Variants in LGR4 observed in about 807,000 individuals in gnomAD.
LGR4 encodes the protein leucine-rich repeat-containing G protein-coupled receptor 4.
Under a neutral mutation model 84.8 loss-of-function variants are expected in LGR4, and 44 were observed. The ratio of observed to expected loss-of-function variants is 0.52; its 90% CI spans 0.41 to 0.67. The LOEUF (loss-of-function observed/expected upper bound fraction) is 0.67. LGR4 is among the 30% of genes least tolerant of loss of function. The probability of loss-of-function intolerance (pLI) is 0.00; values close to 1 mark genes in which losing one functional copy is unlikely to be tolerated. For synonymous variants in LGR4, 429 were observed against 434.3 expected (o/e 0.99, Z 0.15); for missense variants, 1,032 against 1,131.4 (o/e 0.91, Z 1.26).
chr11:27,466,554 T>G (rs1411814970), intron 1 of LGR4, among the ~76,000 whole-genome samples: 1 of 152,188 alleles, frequency 6.6e-6, no homozygotes, highest in Non-Finnish European at 1.5e-5. Flanking sequence ...GCCAAGAATA[T>G]GCCTAAACTT....
intron 1 of LGR4, among the ~76,000 whole-genome samples, chr11:27,464,031 G>A (rs1244633802): frequency 1.3e-5 from 2 of 152,270 alleles, no homozygotes; most frequent in South Asian, 4.1e-4. Context: ...CAGTTTCCAC[G>A]AACTGAAATC....
chr11:27,427,521 C>A (rs4370892), intron 1 of LGR4, among the ~76,000 whole-genome samples: 31,811 of 151,976 alleles, frequency 0.21, 4,232 homozygotes, highest in Non-Finnish European at 0.3. Context: ...ATTACAGTTG[C>A]CAGGGAAGCT....
At chr11:27,413,118 T>C (rs1258432636) in intron 1 of LGR4, among the ~76,000 whole-genome samples, 1 of 152,084 alleles carries the variant, frequency 6.6e-6, no homozygotes, top group African/African-American at 2.4e-5. Flanking sequence ...TGGAAAAAAG[T>C]CTCAAACCAC....
intron 1 of LGR4, among the ~76,000 whole-genome samples, chr11:27,445,860 G>A (rs1864380096): frequency 6.7e-6 from 1 of 149,644 alleles, no homozygotes; most frequent in African/African-American, 2.4e-5. Context: ...CTGGGCAACA[G>A]AGTGAGACCC....
At chr11:27,380,747 T>C (rs1863077153) in intron 8 of LGR4, 36 bp from the exon 9 acceptor site, 1 of 1,408,382 alleles carries the variant, frequency 7.1e-7, no homozygotes, top group East Asian at 2.3e-5. Context: ...AATTTTCATA[T>C]GTTCACAAGC....
At position 27,372,291 on chromosome 11, in the gene LGR4, T is replaced by C; in HGVS notation, c.1487A>G (p.Gln496Arg). Reference sequence around the variant, plus strand: ...GAAACTCATGCACTTGCCTTTCTCCTGTGCCACACTGTGGTCCTGGAGGCT... The same window carrying C: ...GAAACTCATGCACTTGCCTTTCTCCCGTGCCACACTGTGGTCCTGGAGGCT... ...DNSLQDHSVA[Q>R]EKGTADAANV... The change falls in exon 16 of 18, where the codon CAG becomes CGG. Residue 496 changes from glutamine to arginine, a missense_variant. Coordinates refer to ENST00000379214, the MANE Select transcript of LGR4 (RefSeq NM_018490.5). 1 of 1,601,920 alleles carries C rather than the reference T, an allele frequency of 6.2e-7. No individual in the cohort carries two copies. The highest frequency in any genetic ancestry group is 8.6e-7 in the Non-Finnish European group (1 of 1,169,020).
At chr11:27,373,505 A>T in intron 15 of LGR4, 46 bp downstream of exon 15, 2 of 1,482,276 alleles carry the variant, frequency 1.3e-6, no homozygotes, top group Non-Finnish European at 1.8e-6. Flanking sequence ...GTAATTTTGG[A>T]GCCTACCATA....
In LGR4 at chr11:27,472,726, C is replaced by A. The variant is rs914767125; in HGVS notation, c.-424G>T. The A allele has an allele frequency of 8.4e-6, 3 of 359,222 alleles. No homozygotes were observed. In the East Asian group the frequency reaches 1.2e-4, roughly 15 times the overall value. The allele number at this position is 359,222 out of a possible 1,614,324, so 22.3% of individuals were successfully genotyped here. A position where few individuals can be genotyped will look rare whatever the true frequency, so the allele number is the denominator to read the frequency against. On this transcript the variant is annotated 5_prime_UTR_variant, in exon 1 of 18. Transcript: ENST00000379214. ...TCTCGCACAAACACCCAGACTCTGG[C>A]TCGCTGTCTCCCAGCCGCGGCTCAA...
chr11:27,423,186 G>A (rs1863954243), intron 1 of LGR4, among the ~76,000 whole-genome samples: 1 of 152,186 alleles, frequency 6.6e-6, no homozygotes, highest in Admixed American at 6.5e-5. Flanking sequence ...AGCACTGTTT[G>A]TACATCCAAT....
intron 1 of LGR4, among the ~76,000 whole-genome samples, chr11:27,453,818 C>A (rs1437267240): frequency 1.3e-5 from 2 of 152,170 alleles, no homozygotes. Context: ...AGGGCCCCAG[C>A]CTTCTGAATG....
intron 1 of LGR4, among the ~76,000 whole-genome samples, chr11:27,419,017 T>C (rs1863875572): frequency 6.6e-6 from 1 of 152,046 alleles, no homozygotes; most frequent in Non-Finnish European, 1.5e-5. Context: ...TTATTATTAT[T>C]TGTAGAGACC....
chr11:27,472,139 A>G lies in LGR4; in HGVS notation c.164T>C (p.Leu55Pro). ...TCACAGCGCTTGGGTGAAGGCGCTG[A>G]GCCCCTCGGGCACGGCCGTCAGCCC... Reference protein sequence around the residue: ...GKGLTAVPEGLSAFTQALDIS... With the variant: ...GKGLTAVPEGPSAFTQALDIS... Residue 55 changes from leucine (L) to proline (P), a missense_variant, in exon 1 of 18, where the codon CTC becomes CCC. Leu to Pro is a moderately conservative substitution (Grantham distance 98, BLOSUM62 -3). Coordinates refer to ENST00000379214, the MANE Select transcript of LGR4 (RefSeq NM_018490.5). 1 of 1,199,930 alleles carries G rather than the reference A, an allele frequency of 8.3e-7. No homozygotes were observed. The highest frequency in any genetic ancestry group is 1.0e-6 in the Non-Finnish European group (1 of 953,974). 74.3% of individuals were successfully genotyped at this position (1,199,930 alleles called of 1,614,324 possible).
At chr11:27,391,234 CCT>C (rs1491112260) in intron 3 of LGR4, 69 bp from the exon 4 acceptor site, 14 of 490,118 alleles carry the variant, frequency 2.9e-5, no homozygotes, top group African/African-American at 2.2e-4. Flanking sequence ...AAATTCAGAG[CCT>C]TTTTTTTTTT....
intron 1 of LGR4, among the ~76,000 whole-genome samples, chr11:27,457,645 C>G (rs914174130): frequency 6.6e-6 from 1 of 152,142 alleles, no homozygotes; most frequent in Non-Finnish European, 1.5e-5. Context: ...CCATATGACC[C>G]AGGATCTCAC....
chr11:27,376,111 G>A (rs557946102), intron 13 of LGR4, among the ~76,000 whole-genome samples, 188 bp downstream of exon 13: 36 of 151,724 alleles, frequency 2.4e-4, no homozygotes, highest in Non-Finnish European at 4.6e-4. Flanking sequence ...CGAGTAGCTG[G>A]GATTACAGGC....
At chr11:27,449,705 C>A (rs1864451323) in intron 1 of LGR4, among the ~76,000 whole-genome samples, 1 of 151,924 alleles carries the variant, frequency 6.6e-6, no homozygotes, top group Non-Finnish European at 1.5e-5. Flanking sequence ...ACAATTATAT[C>A]ATTTCTGAGA....
chr11:27,429,261 G>C (rs113009863), intron 1 of LGR4, among the ~76,000 whole-genome samples: 238 of 152,266 alleles, frequency 1.6e-3, no homozygotes, highest in African/African-American at 5.6e-3. Flanking sequence ...GAGGTGGGCA[G>C]ATCACTTGAG....
intron 2 of LGR4, among the ~76,000 whole-genome samples, chr11:27,395,858 A>G (rs1863381752): frequency 6.6e-6 from 1 of 152,202 alleles, no homozygotes; most frequent in Non-Finnish European, 1.5e-5. Flanking sequence ...TGCTTATTTT[A>G]TGAGCTAGTA....
chr11:27,416,364 G>A (rs1565085740), intron 1 of LGR4, among the ~76,000 whole-genome samples: 2 of 152,144 alleles, frequency 1.3e-5, no homozygotes, highest in Admixed American at 6.5e-5. Context: ...TTTGTAAAAC[G>A]GAGGCAGTAA....
Sources: allele counts gnomAD v4.1 joint callset (sites outside exome capture counted in the v4.1 genomes callset), GRCh38; gene constraint gnomAD v4.1.1; transcripts MANE v1.5; gene names NCBI Gene and HGNC (gene_info 2026-07-23, HGNC 2026-07-21).